The following SNTG1 variants were observed in gnomAD, a reference collection of about 807,000 sequenced individuals.
The protein encoded by SNTG1 is gamma-1-syntrophin.
SNTG1 carries 39 observed loss-of-function variants against 74.7 expected under a neutral mutation model. That is an observed-to-expected ratio of 0.52 (90% CI 0.40 to 0.68). The LOEUF (loss-of-function observed/expected upper bound fraction) is 0.68. SNTG1 is among the 30% of genes least tolerant of loss of function. SNTG1 has a pLI of 0.00. For synonymous variants in SNTG1, 254 were observed against 217.1 expected, an observed-to-expected ratio of 1.17 and a Z score of -1.49; for missense variants, 685 against 609.5, an observed-to-expected ratio of 1.12 and a Z score of -1.30.
chr8:50,276,062 A>G (rs1031808736), intron 2 of SNTG1, among the ~76,000 whole-genome samples: 42 of 152,236 alleles, frequency 2.8e-4, no homozygotes, highest in African/African-American at 9.9e-4. Context: ...GAATCTCTAC[A>G]TATTTTATTT....
chr8:50,498,808 GAGGA>G (rs1342841042), intron 8 of SNTG1, among the ~76,000 whole-genome samples: 1 of 151,750 alleles, frequency 6.6e-6, no homozygotes, highest in Non-Finnish European at 1.5e-5. Flanking sequence ...CTTTTCTAAT[GAGGA>G]TTTGAAATAG....
At chr8:50,628,465 A>C (rs1049985131) in intron 13 of SNTG1, among the ~76,000 whole-genome samples, 4 of 152,136 alleles carry the variant, frequency 2.6e-5, no homozygotes, top group Non-Finnish European at 5.9e-5. Context: ...AATGATGTAC[A>C]TGGAGGGTCT....
intron 8 of SNTG1, among the ~76,000 whole-genome samples, chr8:50,498,167 A>G (rs2131929591): frequency 6.6e-6 from 1 of 151,922 alleles, no homozygotes; most frequent in African/African-American, 2.4e-5. Context: ...GCTTGTTTCA[A>G]TTTTATGAAA....
chr8:50,544,343 G>A (rs979450946), intron 11 of SNTG1, among the ~76,000 whole-genome samples: 15 of 151,796 alleles, frequency 9.9e-5, no homozygotes, highest in Non-Finnish European at 1.5e-4. Flanking sequence ...ACTTAAAATC[G>A]TATGTTAGAT....
rs181422194 is a variant in SNTG1 at position 50,644,654 on chromosome 8, T to G, written c.850-12255T>G. Among the ~76,000 whole-genome samples, 120 of 152,288 alleles carry G rather than the reference T, an allele frequency of 7.9e-4. 1 individual carries two copies. The highest frequency in any genetic ancestry group is 7.7e-3 in the Admixed American group (118 of 15,290). On this transcript the variant is annotated intron_variant, in intron 13 of 18. Coordinates refer to ENST00000642720, the MANE Select transcript of SNTG1 (RefSeq NM_018967.5). Reference sequence around the variant, plus strand: ...GAGTCAAAAGTTATACATTAAATTTTAACTGTGGTGTGGTAGTGGTAGGGG... The same window carrying G: ...GAGTCAAAAGTTATACATTAAATTTGAACTGTGGTGTGGTAGTGGTAGGGG...
At chr8:50,626,230 A>G (rs1233189426) in intron 13 of SNTG1, among the ~76,000 whole-genome samples, 4 of 152,180 alleles carry the variant, frequency 2.6e-5, no homozygotes, top group Non-Finnish European at 5.9e-5. Context: ...CTATCAAAAT[A>G]TTTCAAAAGG....
chr8:50,530,151 G>A lies in SNTG1; in HGVS notation c.467-26G>A, dbSNP rs546960909. ...GAAGGTTATGGCATTCTCACCAGTG[G>A]AATGTTATGATTTTGTCTCCTGCAG... is the stretch of plus-strand genomic sequence containing the variant. On this transcript the variant is annotated intron_variant, in intron 9 of 18. Coordinates refer to ENST00000642720, the MANE Select transcript of SNTG1 (RefSeq NM_018967.5). 4.2e-5 allele frequency: 67 copies of A among 1,602,676 alleles called. 2 individuals are homozygous for A. In the South Asian group the frequency reaches 6.1e-4, roughly 14 times the overall value.
intron 1 of SNTG1, among the ~76,000 whole-genome samples, chr8:50,060,419 C>T (rs1302979120): frequency 6.6e-6 from 1 of 152,076 alleles, no homozygotes; most frequent in Non-Finnish European, 1.5e-5. Context: ...TGAGTCACAT[C>T]TAAGCTTTAT....
intron 1 of SNTG1, among the ~76,000 whole-genome samples, chr8:49,960,575 C>T (rs923860010): frequency 2.0e-5 from 3 of 151,648 alleles, no homozygotes; most frequent in African/African-American, 4.8e-5. Flanking sequence ...ATCTAGGGTG[C>T]CTTATAGCCA....
At chr8:50,727,059 AAAAT>A (rs1307172132) in intron 17 of SNTG1, among the ~76,000 whole-genome samples, 1 of 152,128 alleles carries the variant, frequency 6.6e-6, no homozygotes, top group Non-Finnish European at 1.5e-5. Context: ...AAGAGTAGAG[AAAAT>A]AAATTAATTT....
chr8:50,264,631 G>T (rs61111113), intron 2 of SNTG1, among the ~76,000 whole-genome samples: 4,136 of 149,228 alleles, frequency 0.028, 180 homozygotes, highest in African/African-American at 0.091. Flanking sequence ...CCCAAAACAA[G>T]CAGAATAAGG....
chr8:50,071,619 T>C (rs1008217456), intron 1 of SNTG1, among the ~76,000 whole-genome samples: 6 of 151,740 alleles, frequency 4.0e-5, no homozygotes, highest in African/African-American at 9.7e-5. Flanking sequence ...GCTGGGATTA[T>C]AGGCTCACAC....
At chr8:50,137,538 C>G (rs976672723) in intron 1 of SNTG1, among the ~76,000 whole-genome samples, 1 of 152,122 alleles carries the variant, frequency 6.6e-6, no homozygotes, top group African/African-American at 2.4e-5. Flanking sequence ...TAAGTAAATG[C>G]GTACGTAGAT....
At chr8:49,910,121 C>G (rs1014406458), upstream of SNTG1, among the ~76,000 whole-genome samples, 1 of 152,206 alleles carries the variant, frequency 6.6e-6, no homozygotes, top group Non-Finnish European at 1.5e-5. Flanking sequence ...GGAACGCGCT[C>G]TAATCCTTGA....
At chr8:50,593,528 T>C (rs1234554864) in intron 13 of SNTG1, among the ~76,000 whole-genome samples, 1 of 151,172 alleles carries the variant, frequency 6.6e-6, no homozygotes, top group South Asian at 2.1e-4. Flanking sequence ...CAAACAGGAG[T>C]TCAAAAATGA....
At chr8:50,517,846 C>A (rs2094147165) in intron 9 of SNTG1, among the ~76,000 whole-genome samples, 1 of 152,102 alleles carries the variant, frequency 6.6e-6, no homozygotes, top group Admixed American at 6.5e-5. Context: ...GACTCCCAGA[C>A]AATAATAGTG....
intron 1 of SNTG1, among the ~76,000 whole-genome samples, chr8:50,044,427 G>A (rs970159994): frequency 1.3e-5 from 2 of 152,080 alleles, no homozygotes; most frequent in Admixed American, 1.3e-4. Flanking sequence ...GATTTCAAAA[G>A]CACATTAAAA....
chr8:50,033,493 A>G (rs1817908297), intron 1 of SNTG1, among the ~76,000 whole-genome samples: 1 of 152,208 alleles, frequency 6.6e-6, no homozygotes, highest in South Asian at 2.1e-4. Context: ...TAGGGCTGCC[A>G]TAACAAACAC....
intron 1 of SNTG1, among the ~76,000 whole-genome samples, chr8:50,089,503 C>G (rs1434114590): frequency 2.6e-5 from 4 of 151,910 alleles, no homozygotes; most frequent in African/African-American, 9.7e-5. Context: ...TTGCAACCTA[C>G]TCACCTGACA....
Sources: gnomAD v4.1 joint callset for allele counts (sites outside exome capture counted in the v4.1 genomes callset) on GRCh38, gnomAD v4.1.1 for gene constraint, MANE v1.5 for transcripts, NCBI Gene and HGNC (gene_info 2026-07-23, HGNC 2026-07-21) for gene names.